Variants in TMEM132B observed in about 807,000 individuals in gnomAD.
TMEM132B encodes the protein transmembrane protein 132B.
TMEM132B carries 18 observed loss-of-function variants against 90.8 expected under a neutral mutation model. The ratio of observed to expected loss-of-function variants is 0.20; its 90% CI spans 0.14 to 0.29. The LOEUF is 0.29. Ranked by LOEUF, TMEM132B falls within the 10% of genes least tolerant of loss-of-function variation. The pLI is 1.00. For synonymous variants in TMEM132B, 504 were observed against 523.3 expected (o/e 0.96, Z 0.50); for missense variants, 1,096 against 1,326.8 (o/e 0.83, Z 2.70).
At chr12:125,573,208 C>G (rs1432036287) in intron 4 of TMEM132B, among the ~76,000 whole-genome samples, 1 of 152,074 alleles carries the variant, frequency 6.6e-6, no homozygotes, top group African/African-American at 2.4e-5. Flanking sequence ...GTGAACAGAA[C>G]TAGGAAAAAA....
At chr12:125,351,585 C>T (rs1324629163) in intron 2 of TMEM132B, among the ~76,000 whole-genome samples, 3 of 152,088 alleles carry the variant, frequency 2.0e-5, no homozygotes, top group Non-Finnish European at 4.4e-5. Flanking sequence ...GAAATGTTAA[C>T]TAGGTAATTG....
intron 1 of TMEM132B, among the ~76,000 whole-genome samples, chr12:125,322,026 G>T (rs796550101): frequency 6.6e-6 from 1 of 152,144 alleles, no homozygotes; most frequent in African/African-American, 2.4e-5. Context: ...ATTATTATGC[G>T]AAATAAAAGA....
intron 1 of TMEM132B, among the ~76,000 whole-genome samples, chr12:125,196,779 A>G (rs1184427973): frequency 1.3e-5 from 2 of 152,212 alleles, no homozygotes; most frequent in Non-Finnish European, 2.9e-5. Flanking sequence ...TGGAATGTTT[A>G]CTGGCACATA....
At chr12:125,419,887 G>A (rs553873140) in intron 3 of TMEM132B, among the ~76,000 whole-genome samples, 14 of 152,334 alleles carry the variant, frequency 9.2e-5, no homozygotes, top group Admixed American at 8.5e-4. Context: ...ATAAAATGAA[G>A]GGACTACAGG....
intron 4 of TMEM132B, among the ~76,000 whole-genome samples, chr12:125,557,478 TTATC>T (rs1884418568): frequency 6.6e-6 from 1 of 152,232 alleles, no homozygotes; most frequent in Non-Finnish European, 1.5e-5. Flanking sequence ...TCTGGGTCAA[TTATC>T]TAATCTATCT....
intron 3 of TMEM132B, among the ~76,000 whole-genome samples, chr12:125,454,396 G>C (rs113486960): frequency 1.0e-3 from 151 of 146,572 alleles, no homozygotes; most frequent in African/African-American, 3.4e-3. Flanking sequence ...GTGTGTTTGT[G>C]TGTGTGTGTG....
intron 4 of TMEM132B, among the ~76,000 whole-genome samples, chr12:125,538,417 C>T (rs1883868219): frequency 6.6e-6 from 1 of 152,206 alleles, no homozygotes; most frequent in Admixed American, 6.5e-5. Flanking sequence ...TCACATCTCA[C>T]ACAAGACACA....
intron 1 of TMEM132B, among the ~76,000 whole-genome samples, chr12:125,345,076 T>C (rs1320401893): frequency 1.3e-5 from 2 of 152,142 alleles, no homozygotes; most frequent in Non-Finnish European, 2.9e-5. Flanking sequence ...TATCAGTTGT[T>C]AGGGCCACAT....
chr12:125,544,457 A>G (rs1884036904), intron 4 of TMEM132B, among the ~76,000 whole-genome samples: 1 of 152,220 alleles, frequency 6.6e-6, no homozygotes, highest in South Asian at 2.1e-4. Context: ...CTCTTCATCC[A>G]TGGAACTGTG....
intron 5 of TMEM132B, among the ~76,000 whole-genome samples, chr12:125,632,339 G>A (rs1886385422): frequency 6.6e-6 from 1 of 151,746 alleles, no homozygotes; most frequent in Non-Finnish European, 1.5e-5. Context: ...ATATTTTTTT[G>A]TACTATGTCC....
chr12:125,378,359 G>A (rs764994367), intron 2 of TMEM132B, among the ~76,000 whole-genome samples: 21 of 152,168 alleles, frequency 1.4e-4, no homozygotes, highest in East Asian at 3.9e-4. Context: ...TTGACTGCAC[G>A]TACCATCAAA....
intron 3 of TMEM132B, among the ~76,000 whole-genome samples, chr12:125,434,782 T>C (rs540899275): frequency 3.3e-5 from 5 of 152,326 alleles, no homozygotes; most frequent in Admixed American, 2.0e-4. Context: ...TTCCTTTGCT[T>C]GGGTAACCAA....
chr12:125,264,978 G>A (rs971531966), intron 1 of TMEM132B, among the ~76,000 whole-genome samples: 6 of 152,112 alleles, frequency 3.9e-5, no homozygotes, highest in East Asian at 1.9e-4. Context: ...GTCACTGTGC[G>A]AACATCACAA....
intron 1 of TMEM132B, among the ~76,000 whole-genome samples, chr12:125,324,335 G>T (rs73233376): frequency 0.025 from 3,753 of 152,248 alleles, 60 homozygotes; most frequent in Non-Finnish European, 0.038. Flanking sequence ...GGTGCAAGTA[G>T]AATTACTGCC....
intron 1 of TMEM132B, among the ~76,000 whole-genome samples, chr12:125,261,498 A>T (rs1285301763): frequency 6.6e-6 from 1 of 152,198 alleles, no homozygotes; most frequent in Non-Finnish European, 1.5e-5. Flanking sequence ...CACACTGGTG[A>T]TATTTGGTGA....
chr12:125,196,532 AC>A (rs1364249107), intron 1 of TMEM132B, among the ~76,000 whole-genome samples: 2 of 152,020 alleles, frequency 1.3e-5, no homozygotes, highest in African/African-American at 4.8e-5. Flanking sequence ...ACATAGCGAA[AC>A]CCCATCGCTA....
chr12:125,625,130 C>CTTTTTTTTT (rs1169262449), intron 5 of TMEM132B, among the ~76,000 whole-genome samples: 1,418 of 103,856 alleles, frequency 0.014, 66 homozygotes, highest in Non-Finnish European at 0.018. Flanking sequence ...GATTTGACTT[C>CTTTTTTTTT]TTTTTTTTTT....
chr12:125,444,589 G>C (rs1038856965), intron 3 of TMEM132B, among the ~76,000 whole-genome samples: 10 of 152,108 alleles, frequency 6.6e-5, no homozygotes, highest in Admixed American at 5.9e-4. Context: ...ATGGTACTGG[G>C]TATTGATACT....
At chr12:125,422,960 T>G (rs1880211482) in intron 3 of TMEM132B, among the ~76,000 whole-genome samples, 1 of 152,110 alleles carries the variant, frequency 6.6e-6, no homozygotes, top group Non-Finnish European at 1.5e-5. Context: ...ACCAGGGGCG[T>G]AAAGAATACC....
Sources: allele counts gnomAD v4.1 joint callset (sites outside exome capture counted in the v4.1 genomes callset), GRCh38; gene constraint gnomAD v4.1.1; transcripts MANE v1.5; gene names NCBI Gene and HGNC (gene_info 2026-07-23, HGNC 2026-07-21).